The following TUBGCP6 variants were observed in gnomAD, a reference collection of about 807,000 sequenced individuals.
TUBGCP6 encodes tubulin gamma complex component 6.
A neutral mutation model predicts 175.8 loss-of-function variants in TUBGCP6; 161 were observed. The observed-to-expected ratio is 0.92, with a 90% confidence interval of 0.81 to 1.04. TUBGCP6 has a LOEUF of 1.04. TUBGCP6 is among the 50% of genes least tolerant of loss of function. The pLI is 0.00. For synonymous variants in TUBGCP6, 1,173 were observed against 1,030.5 expected (o/e 1.14, Z -2.65); for missense variants, 2,572 against 2,433.0 (o/e 1.06, Z -1.20).
At chr22:50,218,986 G>C (rs1362517929) in intron 20 of TUBGCP6, 82 bp downstream of exon 20, 4 of 1,592,496 alleles carry the variant, frequency 2.5e-6, no homozygotes, top group Non-Finnish European at 3.4e-6. Context: ...CAGAGCAGCA[G>C]GGGGCTGTGG....
At chr22:50,236,261 G>A (rs894558985) in intron 2 of TUBGCP6, among the ~76,000 whole-genome samples, 16 of 151,734 alleles carry the variant, frequency 1.1e-4, no homozygotes, top group African/African-American at 3.9e-4. Context: ...TCAGCCTCCC[G>A]AGTAGCTGGG....
chr22:50,224,188 CCT>C lies in TUBGCP6; in HGVS notation c.2221_2222del (p.Arg741GlyfsTer58), dbSNP rs951221380. 1.9e-6 allele frequency: 3 copies of C among 1,614,018 alleles called. No individual in the cohort carries two copies. The highest frequency in any genetic ancestry group is 1.3e-5 in the African/African-American group (1 of 74,934). ...DFSYARELRD[R>X]ERRLKSLEEE... ...CCTCCAGGGACTTCAGCCTTCTCTC[CCT>C]GTCTCGGAGTTCACGGGCGTAGCTG... On this transcript the variant is annotated frameshift_variant, in exon 13 of 25. Transcript: ENST00000248846. LOFTEE classifies it high-confidence loss of function.
intron 1 of TUBGCP6, among the ~76,000 whole-genome samples, chr22:50,241,983 CA>C (rs55647714): frequency 9.9e-4 from 92 of 92,774 alleles, no homozygotes; most frequent in Middle Eastern, 7.2e-3. Context: ...GACTCCATCT[CA>C]AAAAAAAAAA....
chr22:50,227,560 CTCTT>C (rs2064630480), intron 5 of TUBGCP6, among the ~76,000 whole-genome samples: 1 of 152,242 alleles, frequency 6.6e-6, no homozygotes, highest in Non-Finnish European at 1.5e-5. Flanking sequence ...CAGCTCCTCA[CTCTT>C]CCTTCTCTGA....
intron 3 of TUBGCP6, among the ~76,000 whole-genome samples, chr22:50,232,454 G>T (rs972923943): frequency 1.3e-5 from 2 of 152,154 alleles, no homozygotes; most frequent in African/African-American, 4.8e-5. Context: ...GCTACATGGA[G>T]GCTAAGGTGG....
intron 2 of TUBGCP6, among the ~76,000 whole-genome samples, chr22:50,238,449 A>G (rs1221989232): frequency 3.3e-5 from 5 of 150,152 alleles, no homozygotes; most frequent in Non-Finnish European, 7.4e-5. Flanking sequence ...CTCCGCCTCA[A>G]TAAATAAATA....
At chr22:50,227,603 G>T (rs984488832) in intron 5 of TUBGCP6, among the ~76,000 whole-genome samples, 1 of 152,210 alleles carries the variant, frequency 6.6e-6, no homozygotes, top group Admixed American at 6.5e-5. Context: ...CCCGAGCCTG[G>T]TTGCTCACTA....
intron 16 of TUBGCP6, 26 bp from the exon 17 acceptor site, chr22:50,220,041 G>C (rs994770857): frequency 1.2e-6 from 2 of 1,610,734 alleles, no homozygotes; most frequent in Non-Finnish European, 8.5e-7. Flanking sequence ...TGGACACGAG[G>C]GCATCAGGGC....
At position 50,226,842 on chromosome 22, in the gene TUBGCP6, C is replaced by G. The variant is rs762358847; in HGVS notation, c.1492G>C (p.Gly498Arg). The G allele has an allele frequency of 6.3e-6, 10 of 1,574,860 alleles. No homozygotes were observed. In the South Asian group the frequency reaches 1.0e-4, roughly 16 times the overall value. Residue 498 changes from glycine (G) to arginine (R), a missense_variant and splice_region_variant, in exon 7 of 25, where the codon GGC becomes CGC. Transcript: ENST00000248846. ...GGGPRAAFPTGVKLLSYLYQE... is the reference protein window; with the variant it reads ...GGGPRAAFPTRVKLLSYLYQE... Reference sequence around the variant, plus strand: ...TAGAGGTAGGACAGCAGCTTCACGCCCTGCAGACCGCAAAGGGGGTGGGGG... The same window carrying G: ...TAGAGGTAGGACAGCAGCTTCACGCGCTGCAGACCGCAAAGGGGGTGGGGG...
chr22:50,227,276 G>A lies in TUBGCP6; in HGVS notation c.1413-199C>T, dbSNP rs376962933. 9.2e-5 allele frequency among the ~76,000 whole-genome samples: 14 copies of A among 151,532 alleles called. No homozygotes were observed. The South Asian group carries it at 2.7e-3, about 30-fold the overall frequency. ...CTCGTGTGCAGCCCTGTGCCCCTGCGCTGTCCACACACACCCCACTGAAGT... is the reference window on the plus strand; with the variant it reads ...CTCGTGTGCAGCCCTGTGCCCCTGCACTGTCCACACACACCCCACTGAAGT... On this transcript the variant is annotated intron_variant, in intron 5 of 24. Transcript: ENST00000248846.
At position 50,219,737 on chromosome 22, in the gene TUBGCP6, C is replaced by A. The variant is rs2147175298; in HGVS notation, c.4222G>T (p.Ala1408Ser). The A allele has an allele frequency of 3.7e-6, 6 of 1,613,828 alleles. No individual in the cohort carries two copies. Among genetic ancestry groups the A allele is most frequent in the Non-Finnish European group, 5.1e-6 (6 of 1,180,010 alleles). ...TGCTCCCCACCCTGAGCCTCCGCCG[C>A]CGATGCCTCCGCCTCCTCACCACGG... ...PGRGEEAEAS[A>S]AEAQGGEQAY... Residue 1408 changes from alanine to serine, a missense_variant, in exon 18 of 25, where the codon GCG becomes TCG. Transcript: ENST00000248846.
In TUBGCP6 at chr22:50,240,202, A is replaced by G; in HGVS notation, c.905+2T>C. On this transcript the variant is annotated splice_donor_variant, in intron 2 of 24. Transcript: ENST00000248846. LOFTEE classifies it high-confidence loss of function. ...CATGCCAAGGCAAAGAAGGGCACAC[A>G]CCAGCCAACTCGCTCCCAGCACCTC... 2 of 1,613,480 alleles carry G rather than the reference A, an allele frequency of 1.2e-6. No homozygotes were observed. Among genetic ancestry groups the G allele is most frequent in the Non-Finnish European group, 1.7e-6 (2 of 1,179,980 alleles).
chr22:50,235,220 T>TCCACATCCCTGTCCACGGCAA, intron 2 of TUBGCP6, among the ~76,000 whole-genome samples: 1 of 15,552 alleles, frequency 6.4e-5, no homozygotes, highest in African/African-American at 8.3e-4. Flanking sequence ...CACGGCAGCA[T>TCCACATCCCTGTCCACGGCAA]CATCCACACT....
At position 50,218,003 on chromosome 22, in the gene TUBGCP6, GC is replaced by G. The variant is rs781668900; in HGVS notation, c.5282del (p.Gly1761AlafsTer31). The G allele has an allele frequency of 3.1e-6, 5 of 1,611,832 alleles. No individual in the cohort carries two copies. The African/African-American group carries it at 6.7e-5, about 22-fold the overall frequency. On this transcript the variant is annotated frameshift_variant, in exon 24 of 25. Transcript: ENST00000248846. LOFTEE classifies it high-confidence loss of function. ...LISQAWGPPGGPRGAEHPNFA... is the reference protein window; with the variant it reads ...LISQAWGPPGXPRGAEHPNFA... ...AGTTGGGGTGCTCTGCACCCCGCGGGCCCCCAGGGGGCCCCCAGGCCTGGGA... is the reference window on the plus strand; with the variant it reads ...AGTTGGGGTGCTCTGCACCCCGCGGGCCCCAGGGGGCCCCCAGGCCTGGGA...
intron 2 of TUBGCP6, among the ~76,000 whole-genome samples, chr22:50,234,114 CCT>C (rs1342135452): frequency 6.0e-5 from 9 of 150,456 alleles, no homozygotes; most frequent in Non-Finnish European, 1.2e-4. Context: ...ATCCACACCC[CCT>C]GTCCACAGCA....
Position 50,240,263 on chromosome 22 carries a change from C to G in TUBGCP6, c.846G>C (p.Leu282=). Residue 282 remains leucine, a synonymous_variant, in exon 2 of 25, where the codon CTG becomes CTC. Transcript: ENST00000248846. Reference sequence around the variant, plus strand: ...CCTCATAGGTAAGTGCGGCTTCCCACAGGTCCACGTCTGGGGTCACGCTGG... The same window carrying G: ...CCTCATAGGTAAGTGCGGCTTCCCAGAGGTCCACGTCTGGGGTCACGCTGG... ...SEPSVTPDVD[L]WEAALTYEAS... The G allele has an allele frequency of 6.2e-7, 1 of 1,614,034 alleles. No homozygotes were observed.
chr22:50,240,379 G>C lies in TUBGCP6; in HGVS notation c.742-12C>G, dbSNP rs766916943. 6 of 1,612,132 alleles carry C rather than the reference G, an allele frequency of 3.7e-6. No homozygotes were observed. The highest frequency in any genetic ancestry group is 8.5e-7 in the Non-Finnish European group (1 of 1,179,246). ...ACACTCGGTGGGACCTGGAGACACA[G>C]GGAAGGGCAAACCGCCACTTATTGC... is the stretch of plus-strand genomic sequence containing the variant. On this transcript the variant is annotated splice_polypyrimidine_tract_variant and intron_variant, in intron 1 of 24. Transcript: ENST00000248846.
At chr22:50,226,445 G>A (rs1354119096) in intron 7 of TUBGCP6, 67 bp from the exon 8 acceptor site, 2 of 1,452,366 alleles carry the variant, frequency 1.4e-6, no homozygotes, top group Admixed American at 2.0e-5. Context: ...GGCTGTCAGT[G>A]AGGGGTGGGA....
At chr22:50,219,240 C>T (rs993367233) in intron 19 of TUBGCP6, 31 bp from the exon 20 acceptor site, 1 of 1,610,124 alleles carries the variant, frequency 6.2e-7, no homozygotes, top group Non-Finnish European at 8.5e-7. Context: ...TCAGGGCGGG[C>T]CAGGACGGGC....
Sources: allele counts gnomAD v4.1 joint callset (sites outside exome capture counted in the v4.1 genomes callset), GRCh38; gene constraint gnomAD v4.1.1; transcripts MANE v1.5; gene names NCBI Gene and HGNC (gene_info 2026-07-23, HGNC 2026-07-21).